Variants in GRM5 observed in about 807,000 individuals in gnomAD.
The protein encoded by GRM5 is glutamate metabotropic receptor 5.
In GRM5, 19 loss-of-function variants were observed where a neutral mutation model predicts 83.1. The observed-to-expected ratio is 0.23, with a 90% CI of 0.16 to 0.34. The LOEUF is 0.34. Ranked by LOEUF, GRM5 falls within the 10% of genes least tolerant of loss-of-function variation. The pLI is 1.00. For synonymous variants in GRM5, 675 were observed against 633.6 expected, an observed-to-expected ratio of 1.07 and a Z score of -0.98; for missense variants, 1,160 against 1,588.3, an observed-to-expected ratio of 0.73 and a Z score of 4.58.
chr11:88,909,662 T>C (rs1945462284), intron 2 of GRM5, among the ~76,000 whole-genome samples: 1 of 152,016 alleles, frequency 6.6e-6, no homozygotes, highest in African/African-American at 2.4e-5. Context: ...TTCTTGGCCA[T>C]CCTCACTGGT....
intron 7 of GRM5, among the ~76,000 whole-genome samples, chr11:88,575,579 A>C (rs939564785): frequency 6.6e-6 from 1 of 152,346 alleles, no homozygotes. Flanking sequence ...CTTTATCTTG[A>C]TATAAATCCA....
chr11:88,629,612 C>A (rs1177544158), intron 4 of GRM5, among the ~76,000 whole-genome samples: 1 of 152,130 alleles, frequency 6.6e-6, no homozygotes, highest in Admixed American at 6.5e-5. Context: ...CTCTACTTGG[C>A]CACTTACCCA....
At chr11:88,634,297 T>C (rs55759622) in intron 4 of GRM5, among the ~76,000 whole-genome samples, 8,529 of 152,196 alleles carry the variant, frequency 0.056, 224 homozygotes, top group Middle Eastern at 0.071. Flanking sequence ...TATTTTTCTT[T>C]CTTCAAATTC....
intron 2 of GRM5, among the ~76,000 whole-genome samples, chr11:89,034,267 A>G (rs1311683313): frequency 1.3e-5 from 2 of 151,942 alleles, no homozygotes; most frequent in Non-Finnish European, 2.9e-5. Flanking sequence ...GATGATCTTC[A>G]TACTGAATCA....
At chr11:88,762,382 A>G (rs1405388557) in intron 3 of GRM5, among the ~76,000 whole-genome samples, 2 of 152,080 alleles carry the variant, frequency 1.3e-5, no homozygotes, top group African/African-American at 4.8e-5. Flanking sequence ...AAGTACATGA[A>G]CACTTTTCAA....
intron 2 of GRM5, among the ~76,000 whole-genome samples, chr11:88,867,941 A>G (rs1470843551): frequency 1.3e-5 from 2 of 151,966 alleles, no homozygotes; most frequent in African/African-American, 2.4e-5. Context: ...AGTCACAAAA[A>G]GTACCCAAAT....
intron 4 of GRM5, among the ~76,000 whole-genome samples, chr11:88,648,915 T>A (rs2135298986): frequency 6.7e-6 from 1 of 149,182 alleles, no homozygotes; most frequent in South Asian, 2.1e-4. Flanking sequence ...GCAGAAGGAA[T>A]GTTTAAGAGG....
At chr11:88,669,690 T>C in intron 3 of GRM5, among the ~76,000 whole-genome samples, 1 of 151,748 alleles carries the variant, frequency 6.6e-6, no homozygotes, top group East Asian at 2.0e-4. Flanking sequence ...AAAATTTAAA[T>C]ATATTACTTA....
At chr11:88,811,317 T>C (rs2135497661) in intron 3 of GRM5, among the ~76,000 whole-genome samples, 1 of 152,154 alleles carries the variant, frequency 6.6e-6, no homozygotes, top group Middle Eastern at 3.4e-3. Context: ...ATACAGAGCA[T>C]TAAAAGCGGG....
rs541857940 is a variant in GRM5, at chr11:88,663,586, G to C, written c.912-10183C>G. ...TATATAACCTTGTCTGTTTTTTCATGAAGTTTCCTTTCTTAGGATGATCTT... is the reference window on the plus strand; with the variant it reads ...TATATAACCTTGTCTGTTTTTTCATCAAGTTTCCTTTCTTAGGATGATCTT... On this transcript the variant is annotated intron_variant, in intron 3 of 9. Coordinates refer to ENST00000305447, the MANE Select transcript of GRM5 (RefSeq NM_001143831.3). 2.0e-5 allele frequency among the ~76,000 whole-genome samples: 3 copies of C among 152,166 alleles called. No individual in the cohort carries two copies. The South Asian group carries it at 6.2e-4, about 32-fold the overall frequency.
intron 2 of GRM5, among the ~76,000 whole-genome samples, chr11:89,027,103 CTT>C (rs1007515503): frequency 1.4e-5 from 2 of 146,116 alleles, no homozygotes; most frequent in Admixed American, 6.9e-5. Flanking sequence ...TTTTTCTTTT[CTT>C]TTTTTTTTTG....
At chr11:88,700,107 A>G (rs1940994133) in intron 3 of GRM5, among the ~76,000 whole-genome samples, 1 of 152,170 alleles carries the variant, frequency 6.6e-6, no homozygotes, top group Non-Finnish European at 1.5e-5. Context: ...ACAGAGTTGA[A>G]TGGCTTGGCT....
At chr11:88,794,449 C>T (rs1943236538) in intron 3 of GRM5, among the ~76,000 whole-genome samples, 1 of 152,118 alleles carries the variant, frequency 6.6e-6, no homozygotes, top group African/African-American at 2.4e-5. Context: ...AATTGGGTTA[C>T]AGTCAGACCA....
At chr11:88,537,975 T>C (rs543476351) in intron 8 of GRM5, among the ~76,000 whole-genome samples, 3 of 152,012 alleles carry the variant, frequency 2.0e-5, no homozygotes, top group Admixed American at 6.6e-5. Flanking sequence ...AAATAAGGAA[T>C]TAAAAAGTAA....
chr11:88,656,702 A>C lies in GRM5; in HGVS notation c.912-3299T>G, dbSNP rs548814171. On this transcript the variant is annotated intron_variant, in intron 3 of 9. Coordinates refer to ENST00000305447, the MANE Select transcript of GRM5 (RefSeq NM_001143831.3). ...ACAAGATGGCTGTAATATACATAGA[A>C]AATACAGTCAGCCCTTCATAACTGT... Among the ~76,000 whole-genome samples the C allele has an allele frequency of 9.2e-5, 14 of 152,288 alleles. No individual in the cohort carries two copies. The East Asian group carries it at 2.7e-3, about 29-fold the overall frequency.
chr11:88,651,729 C>A (rs1355899467), intron 4 of GRM5, among the ~76,000 whole-genome samples: 1 of 152,058 alleles, frequency 6.6e-6, no homozygotes, highest in African/African-American at 2.4e-5. Flanking sequence ...CACTATGTTG[C>A]AATGATTTCT....
intron 3 of GRM5, among the ~76,000 whole-genome samples, chr11:88,788,777 G>A (rs11021333): frequency 0.025 from 3,821 of 152,190 alleles, 165 homozygotes; most frequent in African/African-American, 0.088. Flanking sequence ...TAGAAAGGGG[G>A]CTATTAAATT....
intron 2 of GRM5, among the ~76,000 whole-genome samples, chr11:88,890,469 T>TTG (rs2135584198): frequency 6.6e-6 from 1 of 152,190 alleles, no homozygotes; most frequent in East Asian, 1.9e-4. Context: ...TATATATGTG[T>TTG]TGTGTGTAAT....
At chr11:88,773,546 T>G (rs1942784131) in intron 3 of GRM5, among the ~76,000 whole-genome samples, 4 of 152,348 alleles carry the variant, frequency 2.6e-5, no homozygotes, top group Admixed American at 1.3e-4. Context: ...TCCTGAATGG[T>G]AATGCCTAGG....
Sources: gnomAD v4.1 joint callset for allele counts (sites outside exome capture counted in the v4.1 genomes callset) on GRCh38, gnomAD v4.1.1 for gene constraint, MANE v1.5 for transcripts, NCBI Gene and HGNC (gene_info 2026-07-23, HGNC 2026-07-21) for gene names.